The following MOK variants were observed in gnomAD, a reference collection of about 807,000 sequenced individuals.
MOK encodes the protein MOK protein kinase, also known as MAPK/MAK/MRK overlapping kinase.
A neutral mutation model predicts 54.2 loss-of-function variants in MOK; 59 were observed. The ratio of observed to expected loss-of-function variants is 1.09; its 90% CI spans 0.88 to 1.35. MOK has a LOEUF of 1.35. Ranked by LOEUF, MOK falls within the 40% of genes most tolerant of loss-of-function variation. The pLI is 0.00. For synonymous variants in MOK, 210 were observed against 202.7 expected (o/e 1.04, Z -0.31); for missense variants, 517 against 526.2 (o/e 0.98, Z 0.17).
chr14:102,229,905 G>T, intron 10 of MOK: 1 of 496,434 alleles, frequency 2.0e-6, no homozygotes, highest in Non-Finnish European at 3.5e-6. Context: ...CAGTGCGGGC[G>T]GCAAAGGGCT....
chr14:102,252,076 T>C, intron 4 of MOK, 81 bp from the exon 5 acceptor site: 1 of 854,720 alleles, frequency 1.2e-6, no homozygotes, highest in Non-Finnish European at 1.9e-6. Flanking sequence ...TCTATTTTTA[T>C]TTAACAATGT....
At chr14:102,233,408 G>A (rs1446245521) in intron 8 of MOK, 10 of 391,802 alleles carry the variant, frequency 2.6e-5, no homozygotes, top group Non-Finnish European at 4.2e-5. Flanking sequence ...TCTAAGTCCT[G>A]TTTAAATTAC....
chr14:102,251,636 C>T, intron 6 of MOK, 120 bp downstream of exon 6: 1 of 808,458 alleles, frequency 1.2e-6, no homozygotes, highest in Non-Finnish European at 2.1e-6. Context: ...ATTACTGTAA[C>T]AAACAGGCTG....
intron 1 of MOK, among the ~76,000 whole-genome samples, chr14:102,304,647 T>A (rs182323871): frequency 2.0e-5 from 3 of 152,234 alleles, no homozygotes; most frequent in Non-Finnish European, 4.4e-5. Context: ...TGAATCACAG[T>A]CAACTCCCTA....
At chr14:102,268,395 C>G (rs983953129) in intron 2 of MOK, among the ~76,000 whole-genome samples, 14 of 151,870 alleles carry the variant, frequency 9.2e-5, no homozygotes, top group Admixed American at 7.2e-4. Context: ...CTAAAAAAAC[C>G]TGGAAGTAAA....
rs2065239465 is a variant in MOK at position 102,236,609 on chromosome 14, G to A, written c.591-2820C>T. 6.6e-6 allele frequency among the ~76,000 whole-genome samples: 1 copy of A among 151,754 alleles called. No individual in the cohort carries two copies. Among genetic ancestry groups the A allele is most frequent in the African/African-American group, 2.4e-5 (1 of 41,264 alleles). On this transcript the variant is annotated intron_variant, in intron 7 of 11. Transcript: ENST00000361847. This position sits in a 1 kb window ranked among gnomAD's most constrained non-coding sequence, Gnocchi z 4.5. ...ACCGGAGTCCCTCCTACTCCTCTAT[G>A]CGAGTCCAGCCCCTGACCCCTCTCC...
At chr14:102,250,214 C>G (rs1191027088) in intron 7 of MOK, among the ~76,000 whole-genome samples, 1 of 152,136 alleles carries the variant, frequency 6.6e-6, no homozygotes, top group Non-Finnish European at 1.5e-5. Context: ...AACCTCACTG[C>G]CACCTGCCTG....
At chr14:102,248,083 T>C (rs2066232001) in intron 7 of MOK, among the ~76,000 whole-genome samples, 1 of 152,096 alleles carries the variant, frequency 6.6e-6, no homozygotes, top group Admixed American at 6.5e-5. Flanking sequence ...CCCATAACCA[T>C]CACCCCTTCC....
chr14:102,219,132 TG>T, the MOK span, among the ~76,000 whole-genome samples: 3 of 152,206 alleles, frequency 2.0e-5, no homozygotes, highest in Non-Finnish European at 4.4e-5. Context: ...GATCCTTCCA[TG>T]GGGGCCTAGG....
rs1403719984 is a variant in MOK at position 102,238,617 on chromosome 14, C to T, written c.591-4828G>A. ...TGCAGTCCAACCTCAGTACCCCCCA[C>T]TGAAAAAGCCTCATTACTATAACAA... On this transcript the variant is annotated intron_variant, in intron 7 of 11. Transcript: ENST00000361847. The surrounding 1 kb of genome is among the most constrained non-coding windows in gnomAD (Gnocchi z 4.8). 6.6e-6 allele frequency among the ~76,000 whole-genome samples: 1 copy of T among 152,112 alleles called. No individual in the cohort carries two copies. Among genetic ancestry groups the T allele is most frequent in the African/African-American group, 2.4e-5 (1 of 41,422 alleles).
chr14:102,271,128 C>T (rs1329295166), intron 2 of MOK, among the ~76,000 whole-genome samples: 1 of 152,128 alleles, frequency 6.6e-6, no homozygotes, highest in African/African-American at 2.4e-5. Flanking sequence ...GAGGTTGCAG[C>T]TAGCCAAGAC....
downstream of MOK, chr14:102,224,827 T>G (rs1383199414): frequency 6.6e-6 from 3 of 455,688 alleles, no homozygotes; most frequent in African/African-American, 4.0e-5. Flanking sequence ...ACACTAAGAC[T>G]TGCTGTTCTA....
chr14:102,225,819 G>C (rs2064219641), downstream of MOK: 1 of 167,562 alleles, frequency 6.0e-6, no homozygotes. Context: ...CTGGGCAGAT[G>C]GTAGCGAGGC....
intron 7 of MOK, among the ~76,000 whole-genome samples, chr14:102,242,985 C>A (rs549017307): frequency 6.6e-6 from 1 of 152,264 alleles, no homozygotes; most frequent in East Asian, 1.9e-4. Flanking sequence ...TGTACTGCTG[C>A]AAGGCTTCAT....
At position 102,230,990 on chromosome 14, in the gene MOK, A is replaced by G. The variant is rs2064646267; in HGVS notation, c.981+717T>C. Reference sequence around the variant, plus strand: ...TGCAGCTCTGGGTTCCCAGCTCCCAAGCGGTCAGGGAGCACTCGGTAAAGG... The same window carrying G: ...TGCAGCTCTGGGTTCCCAGCTCCCAGGCGGTCAGGGAGCACTCGGTAAAGG... On this transcript the variant is annotated intron_variant, in intron 10 of 11. Coordinates refer to ENST00000361847, the MANE Select transcript of MOK (RefSeq NM_014226.3). This position sits in a 1 kb window ranked among gnomAD's most constrained non-coding sequence, Gnocchi z 4.1. 6.6e-6 allele frequency: 1 copy of G among 152,272 alleles called. No homozygotes were observed. The highest frequency in any genetic ancestry group is 6.5e-5 in the Admixed American group (1 of 15,278). The allele number at this position is 152,272 out of a possible 1,614,324, so 9.4% of individuals were successfully genotyped here.
At chr14:102,280,064 T>C (rs754864782) in intron 2 of MOK, among the ~76,000 whole-genome samples, 1 of 151,612 alleles carries the variant, frequency 6.6e-6, no homozygotes, top group Non-Finnish European at 1.5e-5. Flanking sequence ...ACTTACACAA[T>C]GATAAGCAAG....
chr14:102,286,772 G>A (rs1303600753), intron 1 of MOK, among the ~76,000 whole-genome samples: 1 of 151,832 alleles, frequency 6.6e-6, no homozygotes, highest in Non-Finnish European at 1.5e-5. Flanking sequence ...TTAAAATAAT[G>A]GGTGGCAGGT....
Position 102,231,901 on chromosome 14 carries a change from A to G in MOK, c.867-80T>C. 8.5e-7 allele frequency: 1 copy of G among 1,176,258 alleles called. No individual in the cohort carries two copies. The highest frequency in any genetic ancestry group is 1.2e-6 in the Non-Finnish European group (1 of 809,918). 72.9% of individuals were successfully genotyped at this position (1,176,258 alleles called of 1,614,324 possible). ...CGGCCTACTGGCTTCTTTGTCTCCA[A>G]TTTGTCTACTGTGTGAGTTGTCACT... On this transcript the variant is annotated intron_variant, in intron 9 of 11. Coordinates refer to ENST00000361847, the MANE Select transcript of MOK (RefSeq NM_014226.3). This position sits in a 1 kb window ranked among gnomAD's most constrained non-coding sequence, Gnocchi z 4.4.
chr14:102,286,905 G>A (rs1025554800), intron 1 of MOK, among the ~76,000 whole-genome samples: 10 of 139,770 alleles, frequency 7.2e-5, no homozygotes, highest in East Asian at 6.0e-4. Flanking sequence ...GTGAGACTCC[G>A]TCTCAAAAAT....
Sources: allele counts gnomAD v4.1 joint callset (sites outside exome capture counted in the v4.1 genomes callset), GRCh38; gene constraint gnomAD v4.1.1; non-coding constraint Gnocchi (gnomAD v3.1); transcripts MANE v1.5; gene names NCBI Gene and HGNC (gene_info 2026-07-23, HGNC 2026-07-21).